Variants in MAGI1 observed in about 807,000 individuals in gnomAD.
MAGI1 encodes membrane associated guanylate kinase, WW and PDZ domain containing 1, also known as membrane-associated guanylate kinase, WW and PDZ domain-containing protein 1.
A neutral mutation model predicts 139.9 loss-of-function variants in MAGI1; 58 were observed. The ratio of observed to expected loss-of-function variants is 0.41; its 90% CI spans 0.34 to 0.52. The LOEUF is 0.52. MAGI1 is among the 20% of genes least tolerant of loss of function. MAGI1 has a pLI of 0.12. For synonymous variants in MAGI1, 812 were observed against 737.9 expected, an observed-to-expected ratio of 1.10 and a Z score of -1.63; for missense variants, 1,874 against 1,901.6, an observed-to-expected ratio of 0.99 and a Z score of 0.27.
chr3:65,907,689 G>C (rs2061492797), intron 1 of MAGI1: 1 of 152,174 alleles, frequency 6.6e-6, no homozygotes, highest in African/African-American at 2.4e-5. Flanking sequence ...TTCTCATTCA[G>C]AGTTGCCATA....
intron 3 of MAGI1, among the ~76,000 whole-genome samples, chr3:65,491,100 G>A (rs1289178345): frequency 6.6e-6 from 1 of 152,052 alleles, no homozygotes; most frequent in Non-Finnish European, 1.5e-5. Context: ...TTAGCTTCAA[G>A]TACTAATGGG....
chr3:65,876,355 C>T (rs144747391), intron 1 of MAGI1, among the ~76,000 whole-genome samples: 5 of 151,676 alleles, frequency 3.3e-5, no homozygotes, highest in South Asian at 4.2e-4. Context: ...CCACCCCCCC[C>T]AAAAAAGGCA....
intron 2 of MAGI1, among the ~76,000 whole-genome samples, chr3:65,589,557 C>A (rs1418846688): frequency 6.6e-6 from 1 of 152,138 alleles, no homozygotes; most frequent in Non-Finnish European, 1.5e-5. Flanking sequence ...TCCTTGTTGA[C>A]CCCCCCTGCA....
chr3:65,714,017 G>A (rs1035268947), intron 1 of MAGI1, among the ~76,000 whole-genome samples: 3 of 152,186 alleles, frequency 2.0e-5, no homozygotes, highest in African/African-American at 7.2e-5. Context: ...ACCTGACTTT[G>A]GAACTGCGGT....
chr3:65,493,822 C>T (rs374246629), intron 2 of MAGI1, among the ~76,000 whole-genome samples, 191 bp from the exon 3 acceptor site: 85 of 152,332 alleles, frequency 5.6e-4, no homozygotes, highest in African/African-American at 1.9e-3. Flanking sequence ...CTCATTTCCA[C>T]ACTCTAGTGC....
At position 65,634,095 on chromosome 3, in the gene MAGI1, T is replaced by G. The variant is rs1447986942; in HGVS notation, c.314-12007A>C. On this transcript the variant is annotated intron_variant, in intron 1 of 22. Coordinates refer to ENST00000402939, the MANE Select transcript of MAGI1 (RefSeq NM_001033057.2). ...CTCCCACCCAATGAGATTACTAGTC[T>G]CATTTTACAGAAGTATAAACTGAGG... Among the ~76,000 whole-genome samples the G allele has an allele frequency of 2.0e-5, 3 of 152,264 alleles. No individual in the cohort carries two copies. In the East Asian group the frequency reaches 5.8e-4, roughly 29 times the overall value.
At chr3:65,402,548 C>T (rs555174334) in intron 12 of MAGI1, among the ~76,000 whole-genome samples, 1 of 152,282 alleles carries the variant, frequency 6.6e-6, no homozygotes, top group East Asian at 1.9e-4. Flanking sequence ...AATACAGATT[C>T]TATCTGTATA....
At chr3:65,650,350 C>T (rs2085511057) in intron 1 of MAGI1, among the ~76,000 whole-genome samples, 1 of 152,178 alleles carries the variant, frequency 6.6e-6, no homozygotes, top group South Asian at 2.1e-4. Flanking sequence ...AATTCCACAA[C>T]AATGAAAAAT....
intron 2 of MAGI1, among the ~76,000 whole-genome samples, chr3:65,603,374 G>A (rs2082570114): frequency 6.6e-6 from 1 of 151,960 alleles, no homozygotes; most frequent in African/African-American, 2.4e-5. Flanking sequence ...ATGGTCAAAG[G>A]GGACAATGAA....
At chr3:65,409,065 A>G (rs1252462759) in intron 12 of MAGI1, among the ~76,000 whole-genome samples, 2 of 152,208 alleles carry the variant, frequency 1.3e-5, no homozygotes, top group African/African-American at 4.8e-5. Context: ...CCTTTCTTGA[A>G]GAGACCGTAT....
intron 2 of MAGI1, 78 bp from the exon 3 acceptor site, chr3:65,493,709 A>G (rs1952220467): frequency 6.4e-7 from 1 of 1,565,352 alleles, no homozygotes; most frequent in Non-Finnish European, 8.7e-7. Flanking sequence ...TGTAATTAAA[A>G]TAACCTGTTC....
At chr3:65,708,967 A>C (rs2030884505) in intron 1 of MAGI1, among the ~76,000 whole-genome samples, 2 of 152,170 alleles carry the variant, frequency 1.3e-5, no homozygotes, top group African/African-American at 2.4e-5. Context: ...GTGGCCTTAG[A>C]GGGGCAAACT....
chr3:65,506,839 G>C (rs931450607), intron 2 of MAGI1, among the ~76,000 whole-genome samples: 2 of 151,972 alleles, frequency 1.3e-5, no homozygotes, highest in Non-Finnish European at 2.9e-5. Context: ...TTTGTATCAA[G>C]GACTAAAACA....
intron 4 of MAGI1, among the ~76,000 whole-genome samples, chr3:65,473,458 CG>C (rs1218171042): frequency 6.6e-6 from 1 of 152,026 alleles, no homozygotes; most frequent in African/African-American, 2.4e-5. Context: ...TGTCCAAACT[CG>C]GTGACAGCCT....
intron 1 of MAGI1, among the ~76,000 whole-genome samples, chr3:65,646,475 T>A (rs1278511517): frequency 6.6e-6 from 1 of 152,114 alleles, no homozygotes; most frequent in African/African-American, 2.4e-5. Context: ...TCTCTCTCTC[T>A]TTCTCTCTCT....
chr3:65,359,532 C>G (rs929241257), intron 22 of MAGI1: 35 of 1,004,628 alleles, frequency 3.5e-5, no homozygotes, highest in Non-Finnish European at 3.9e-5. Flanking sequence ...CCACCAAAGA[C>G]CGCGGCAGTT....
chr3:65,524,693 C>G (rs1365024112), intron 2 of MAGI1, among the ~76,000 whole-genome samples: 2 of 152,172 alleles, frequency 1.3e-5, no homozygotes, highest in African/African-American at 4.8e-5. Context: ...GTTATGTAGA[C>G]TCTACTGCAG....
chr3:65,379,099 G>A (rs900749302), intron 17 of MAGI1, 162 bp downstream of exon 17: 4 of 1,449,130 alleles, frequency 2.8e-6, no homozygotes, highest in Non-Finnish European at 3.7e-6. Flanking sequence ...AAGGGAAAAA[G>A]CTACCAAATC....
At chr3:65,400,955 C>T (rs186350495) in intron 13 of MAGI1, among the ~76,000 whole-genome samples, 1 of 151,992 alleles carries the variant, frequency 6.6e-6, no homozygotes, top group African/African-American at 2.4e-5. Context: ...AACCTACAGG[C>T]TTTTTATTTT....
Sources: allele counts gnomAD v4.1 joint callset (sites outside exome capture counted in the v4.1 genomes callset), GRCh38; gene constraint gnomAD v4.1.1; transcripts MANE v1.5; gene names NCBI Gene and HGNC (gene_info 2026-07-23, HGNC 2026-07-21).